PTPRD: variants seen among roughly 807,000 people sequenced by gnomAD.
PTPRD encodes the protein receptor-type tyrosine-protein phosphatase delta.
A neutral mutation model predicts 214.5 loss-of-function variants in PTPRD; 34 were observed. The observed-to-expected ratio is 0.16, with a 90% CI of 0.12 to 0.21. The LOEUF (loss-of-function observed/expected upper bound fraction) is 0.21. Among genes scored for constraint, PTPRD ranks in the 10% least tolerant of loss-of-function variants. PTPRD has a pLI of 1.00. For synonymous variants in PTPRD, 1,128 were observed against 845.7 expected, an observed-to-expected ratio of 1.33 and a Z score of -5.79; for missense variants, 2,545 against 2,398.7, an observed-to-expected ratio of 1.06 and a Z score of -1.27.
chr9:9,484,098 G>T (rs1397454150), intron 8 of PTPRD, among the ~76,000 whole-genome samples: 1 of 150,800 alleles, frequency 6.6e-6, no homozygotes, highest in Non-Finnish European at 1.5e-5. Flanking sequence ...TTTAAGAATT[G>T]GAAAAAGTAA....
chr9:10,407,135 C>T (rs971872967), intron 2 of PTPRD, among the ~76,000 whole-genome samples: 15 of 151,398 alleles, frequency 9.9e-5, no homozygotes, highest in African/African-American at 3.4e-4. Flanking sequence ...TGATACCGGG[C>T]AGACATGCAG....
intron 4 of PTPRD, among the ~76,000 whole-genome samples, chr9:9,977,087 T>G (rs915482133): frequency 2.0e-5 from 3 of 152,186 alleles, no homozygotes; most frequent in Admixed American, 2.0e-4. Flanking sequence ...AAAATTCAGA[T>G]GTCAACCTAA....
At chr9:8,966,842 T>C (rs978202563) in intron 11 of PTPRD, among the ~76,000 whole-genome samples, 4 of 151,966 alleles carry the variant, frequency 2.6e-5, no homozygotes, top group African/African-American at 7.3e-5. Context: ...GGAAAAAATA[T>C]TCACAAACTG....
chr9:9,409,240 C>A (rs1198804317), intron 8 of PTPRD, among the ~76,000 whole-genome samples: 1 of 151,890 alleles, frequency 6.6e-6, no homozygotes, highest in Non-Finnish European at 1.5e-5. Context: ...TATGCACCTG[C>A]CACTCCTCTT....
chr9:8,422,987 T>G (rs550552702), intron 35 of PTPRD, among the ~76,000 whole-genome samples: 1 of 152,124 alleles, frequency 6.6e-6, no homozygotes, highest in Non-Finnish European at 1.5e-5. Context: ...ACATAGGCAC[T>G]CCTGAGTTGT....
At chr9:8,616,319 G>A (rs982401310) in intron 14 of PTPRD, among the ~76,000 whole-genome samples, 7 of 152,140 alleles carry the variant, frequency 4.6e-5, no homozygotes, top group Admixed American at 3.9e-4. Flanking sequence ...TAACATGGCA[G>A]ATGAGCTAGA....
intron 35 of PTPRD, among the ~76,000 whole-genome samples, chr9:8,422,282 C>G (rs962936805): frequency 1.3e-5 from 2 of 151,764 alleles, no homozygotes; most frequent in Non-Finnish European, 2.9e-5. Flanking sequence ...TATTTCTTCC[C>G]ATAAGTAAAA....
At chr9:9,058,293 A>G (rs2099700037) in intron 10 of PTPRD, among the ~76,000 whole-genome samples, 1 of 152,044 alleles carries the variant, frequency 6.6e-6, no homozygotes, top group East Asian at 1.9e-4. Context: ...GTCACAACCC[A>G]TGAAGCATAA....
chr9:8,543,129 A>G (rs776208994), intron 14 of PTPRD, among the ~76,000 whole-genome samples: 1 of 152,210 alleles, frequency 6.6e-6, no homozygotes, highest in Non-Finnish European at 1.5e-5. Flanking sequence ...TTAAATAGAT[A>G]TAAGTTTCCA....
intron 10 of PTPRD, among the ~76,000 whole-genome samples, chr9:9,156,016 C>G (rs1032372586): frequency 6.6e-6 from 1 of 152,088 alleles, no homozygotes; most frequent in African/African-American, 2.4e-5. Context: ...ATAACAGCTC[C>G]CCTACAAATC....
intron 30 of PTPRD, among the ~76,000 whole-genome samples, chr9:8,473,423 TGGA>T (rs1338514079): frequency 2.0e-5 from 3 of 152,180 alleles, no homozygotes; most frequent in Admixed American, 1.3e-4. Context: ...TAAATGAGCA[TGGA>T]GGAGAATGAC....
intron 4 of PTPRD, among the ~76,000 whole-genome samples, chr9:9,967,875 A>C (rs978507111): frequency 6.6e-6 from 1 of 152,186 alleles, no homozygotes; most frequent in Non-Finnish European, 1.5e-5. Flanking sequence ...TAGGTTTTAC[A>C]AGTATACTTG....
chr9:9,143,127 T>C (rs1385087624), intron 10 of PTPRD, among the ~76,000 whole-genome samples: 1 of 152,138 alleles, frequency 6.6e-6, no homozygotes, highest in Admixed American at 6.5e-5. Flanking sequence ...CCTTTGCAAA[T>C]AGACTGCTTA....
At position 8,705,881 on chromosome 9, in the gene PTPRD, A is replaced by G. The variant is rs374301428; in HGVS notation, c.64+27899T>C. ...TTATATTTGTTAAGTGTATTTTTCC[A>G]TGAGCAGAGTTCTCTGAAAGCTCTA... On this transcript the variant is annotated intron_variant, in intron 12 of 45. Coordinates refer to ENST00000381196, the MANE Select transcript of PTPRD (RefSeq NM_002839.4). Among the ~76,000 whole-genome samples, 37 of 152,334 alleles carry G rather than the reference A, an allele frequency of 2.4e-4. No homozygotes were observed. The East Asian group carries it at 6.0e-3, about 25-fold the overall frequency.
intron 10 of PTPRD, among the ~76,000 whole-genome samples, chr9:9,095,175 T>A (rs185374179): frequency 3.9e-5 from 6 of 152,176 alleles, no homozygotes; most frequent in Admixed American, 2.6e-4. Flanking sequence ...AAACGGAAGA[T>A]TTTCTTCCTA....
At chr9:8,592,775 T>C (rs2154266135) in intron 14 of PTPRD, among the ~76,000 whole-genome samples, 1 of 152,310 alleles carries the variant, frequency 6.6e-6, no homozygotes, top group Middle Eastern at 3.4e-3. Context: ...TAACAAATAA[T>C]TGTAATATAA....
chr9:9,763,592 C>T (rs2098680330), intron 6 of PTPRD, among the ~76,000 whole-genome samples: 3 of 151,968 alleles, frequency 2.0e-5, no homozygotes, highest in South Asian at 4.1e-4. Flanking sequence ...ATATGATAAA[C>T]ACATCATTCA....
chr9:9,323,052 T>A (rs1325147043), intron 9 of PTPRD, among the ~76,000 whole-genome samples: 1 of 151,842 alleles, frequency 6.6e-6, no homozygotes, highest in African/African-American at 2.4e-5. Flanking sequence ...CTGTTTACAA[T>A]TTTTTTTGCA....
At chr9:10,542,784 T>C (rs113787113) in intron 2 of PTPRD, among the ~76,000 whole-genome samples, 4,491 of 152,240 alleles carry the variant, frequency 0.029, 196 homozygotes, top group African/African-American at 0.1. Flanking sequence ...AATGGTGTGA[T>C]CTTGGCTCAC....
Sources: gnomAD v4.1 joint callset for allele counts (sites outside exome capture counted in the v4.1 genomes callset) on GRCh38, gnomAD v4.1.1 for gene constraint, MANE v1.5 for transcripts, NCBI Gene and HGNC (gene_info 2026-07-23, HGNC 2026-07-21) for gene names.